The following SLC25A21 variants were observed in gnomAD, a reference collection of about 807,000 sequenced individuals.
SLC25A21 encodes mitochondrial 2-oxodicarboxylate carrier.
SLC25A21 carries 47 observed loss-of-function variants against 43.8 expected under a neutral mutation model. The ratio of observed to expected loss-of-function variants is 1.07; its 90% CI spans 0.85 to 1.37. SLC25A21 has a LOEUF of 1.37. SLC25A21 is among the 40% of genes most tolerant of loss of function. The probability of loss-of-function intolerance (pLI) is 0.00; values close to 1 mark genes in which losing one functional copy is unlikely to be tolerated. For missense variants in SLC25A21, 352 were observed against 350.2 expected, an observed-to-expected ratio of 1.00 and a Z score of -0.04; for synonymous variants, 131 against 121.3, an observed-to-expected ratio of 1.08 and a Z score of -0.52.
At chr14:36,898,191 G>A (rs1336367712) in intron 1 of SLC25A21, among the ~76,000 whole-genome samples, 1 of 152,192 alleles carries the variant, frequency 6.6e-6, no homozygotes, top group Non-Finnish European at 1.5e-5. Flanking sequence ...CCCAGTTCGA[G>A]CTTCCCGGCC....
chr14:37,137,145 C>T (rs1963495609), intron 1 of SLC25A21, among the ~76,000 whole-genome samples: 1 of 152,104 alleles, frequency 6.6e-6, no homozygotes, highest in East Asian at 1.9e-4. Context: ...CTACAGGCGC[C>T]CGCCACCTCG....
At chr14:37,167,643 G>A (rs1964051482) in intron 1 of SLC25A21, among the ~76,000 whole-genome samples, 1 of 152,136 alleles carries the variant, frequency 6.6e-6, no homozygotes, top group Non-Finnish European at 1.5e-5. Context: ...TCATGCAGCT[G>A]GAGGTTACAA....
At chr14:37,065,433 A>G (rs1451354516) in intron 1 of SLC25A21, among the ~76,000 whole-genome samples, 3 of 152,252 alleles carry the variant, frequency 2.0e-5, no homozygotes. Flanking sequence ...GGCTCAAGAC[A>G]TCTGTCAATT....
intron 7 of SLC25A21, among the ~76,000 whole-genome samples, chr14:36,697,486 ATCTG>A (rs1355288857): frequency 6.6e-6 from 1 of 152,108 alleles, no homozygotes; most frequent in Non-Finnish European, 1.5e-5. Flanking sequence ...TGTCTCGTTG[ATCTG>A]TCTAATATTG....
intron 1 of SLC25A21, among the ~76,000 whole-genome samples, chr14:37,128,534 C>CTG (rs1307864585): frequency 1.9e-4 from 19 of 98,022 alleles, no homozygotes; most frequent in African/African-American, 6.4e-4. Context: ...CTCTCTCTCT[C>CTG]TCTCTGTGTG....
intron 1 of SLC25A21, among the ~76,000 whole-genome samples, chr14:37,044,305 G>C (rs989210395): frequency 6.6e-6 from 1 of 151,698 alleles, no homozygotes; most frequent in African/African-American, 2.4e-5. Flanking sequence ...TATAATCTTA[G>C]GTTACCAATA....
intron 1 of SLC25A21, among the ~76,000 whole-genome samples, chr14:36,888,205 T>C (rs1261743405): frequency 6.6e-6 from 1 of 152,190 alleles, no homozygotes; most frequent in Non-Finnish European, 1.5e-5. Context: ...AATTATAGTA[T>C]ATGGAGGGTC....
chr14:36,935,687 T>C (rs1892405396), intron 1 of SLC25A21, among the ~76,000 whole-genome samples: 1 of 77,712 alleles, frequency 1.3e-5, no homozygotes, highest in Non-Finnish European at 2.9e-5. Context: ...TTCTTGCAAA[T>C]CTAAGCAAAG....
chr14:37,097,579 G>A (rs1962723867), intron 1 of SLC25A21, among the ~76,000 whole-genome samples: 1 of 152,086 alleles, frequency 6.6e-6, no homozygotes, highest in African/African-American at 2.4e-5. Flanking sequence ...AGTCTCAAAT[G>A]ATTCAGACAA....
intron 7 of SLC25A21, among the ~76,000 whole-genome samples, chr14:36,702,630 A>G (rs1016306845): frequency 2.6e-5 from 4 of 152,162 alleles, no homozygotes; most frequent in African/African-American, 9.7e-5. Context: ...ACTTAGCACA[A>G]TTGGAATGAT....
Position 36,679,679 on chromosome 14 carries a change from C to T in SLC25A21, c.*979G>A, listed in dbSNP as rs1323821252. 28 of 985,236 alleles carry T rather than the reference C, an allele frequency of 2.8e-5. No homozygotes were observed. The highest frequency in any genetic ancestry group is 5.2e-4 in the Middle Eastern group (1 of 1,936). The allele number at this position is 985,236 out of a possible 1,614,324, so 61.0% of individuals were successfully genotyped here. A position where few individuals can be genotyped will look rare whatever the true frequency, so the allele number is the denominator to read the frequency against. On this transcript the variant is annotated 3_prime_UTR_variant, in exon 10 of 10. Transcript: ENST00000331299. ...CAGCTGACTTCCCACCTGAAGTTGT[C>T]GTTTAAAACTAATAACCTGAAAATG...
chr14:36,689,972 A>G (rs572683995), intron 7 of SLC25A21, among the ~76,000 whole-genome samples: 8 of 152,320 alleles, frequency 5.3e-5, no homozygotes, highest in Non-Finnish European at 2.9e-5. Flanking sequence ...TCCTTGGTGG[A>G]AACAGGGGTT....
intron 1 of SLC25A21, among the ~76,000 whole-genome samples, chr14:36,899,273 GA>G (rs113441649): frequency 8.2e-4 from 122 of 149,670 alleles, no homozygotes; most frequent in African/African-American, 2.7e-3. Flanking sequence ...AAAATGAAAA[GA>G]AAAAAAAATG....
intron 1 of SLC25A21, among the ~76,000 whole-genome samples, chr14:37,109,870 G>T (rs528953970): frequency 6.6e-6 from 1 of 152,084 alleles, no homozygotes; most frequent in South Asian, 2.1e-4. Context: ...ATTTAAAAAG[G>T]GGAAATATTT....
At chr14:37,002,281 C>T (rs1178907205) in intron 1 of SLC25A21, among the ~76,000 whole-genome samples, 1 of 152,090 alleles carries the variant, frequency 6.6e-6, no homozygotes, top group Non-Finnish European at 1.5e-5. Flanking sequence ...TGTTCTCCAC[C>T]ATATCTCTCT....
At chr14:36,959,050 G>A (rs1959419428) in intron 1 of SLC25A21, among the ~76,000 whole-genome samples, 2 of 152,296 alleles carry the variant, frequency 1.3e-5, no homozygotes, top group African/African-American at 4.8e-5. Context: ...TGTGCTTCTC[G>A]TGGTTGCCTT....
chr14:37,054,300 A>G (rs952161555), intron 1 of SLC25A21, among the ~76,000 whole-genome samples: 1 of 152,218 alleles, frequency 6.6e-6, no homozygotes, highest in African/African-American at 2.4e-5. Flanking sequence ...CTACAACTGA[A>G]TATCACCAAG....
rs941568933 is a variant in SLC25A21 at position 37,136,897 on chromosome 14, T to C, written c.70+35384A>G. 3.3e-5 allele frequency among the ~76,000 whole-genome samples: 5 copies of C among 152,088 alleles called. No homozygotes were observed. In the East Asian group the frequency reaches 5.8e-4, roughly 18 times the overall value. On this transcript the variant is annotated intron_variant, in intron 1 of 9. Transcript: ENST00000331299. ...AAAAGATGAGTGATTGTAGGGGATA[T>C]AGGGCAGGGGGAATGGGGAGAGAAA... is the stretch of plus-strand genomic sequence containing the variant.
intron 1 of SLC25A21, among the ~76,000 whole-genome samples, chr14:36,981,328 C>G (rs2138699781): frequency 6.6e-6 from 1 of 152,262 alleles, no homozygotes; most frequent in Non-Finnish European, 1.5e-5. Context: ...CCCAGCCATA[C>G]CATTACTTGG....
Sources: gnomAD v4.1 joint callset for allele counts (sites outside exome capture counted in the v4.1 genomes callset) on GRCh38, gnomAD v4.1.1 for gene constraint, MANE v1.5 for transcripts, NCBI Gene and HGNC (gene_info 2026-07-23, HGNC 2026-07-21) for gene names.